Variants in KLHL41 observed in about 807,000 individuals in gnomAD.
KLHL41 encodes kelch-like protein 41.
Under a neutral mutation model 49.2 loss-of-function variants are expected in KLHL41, and 31 were observed. The ratio of observed to expected loss-of-function variants is 0.63; its 90% CI spans 0.47 to 0.85. KLHL41 has a LOEUF of 0.85. Among genes scored for constraint, KLHL41 ranks in the 40% least tolerant of loss-of-function variants. The probability of loss-of-function intolerance (pLI) is 0.00; values close to 1 mark genes in which losing one functional copy is unlikely to be tolerated. For synonymous variants in KLHL41, 218 were observed against 258.5 expected, an observed-to-expected ratio of 0.84 and a Z score of 1.50; for missense variants, 663 against 726.7, an observed-to-expected ratio of 0.91 and a Z score of 1.01.
Position 169,518,289 on chromosome 2 carries a change from C to G in KLHL41, c.1476C>G (p.Val492=), listed in dbSNP as rs138411167. 71 of 1,613,886 alleles carry G rather than the reference C, an allele frequency of 4.4e-5. No homozygotes were observed. In the African/African-American group the frequency reaches 8.4e-4, roughly 19 times the overall value. Residue 492 remains valine (V), a synonymous_variant, in exon 4 of 6, where the codon GTC becomes GTG. Transcript: ENST00000284669. ...CTCGTTCCATGTTTGGAGTAGCAGT[C>G]CATAAAGGCAAAATTGTGATTGCAG... is the stretch of plus-strand genomic sequence containing the variant. ...KIPRSMFGVA[V]HKGKIVIAGG... is the part of the protein sequence containing the mutation.
At chr2:169,519,980 A>C (rs1199426857) in intron 4 of KLHL41, among the ~76,000 whole-genome samples, 1 of 151,924 alleles carries the variant, frequency 6.6e-6, no homozygotes, top group Non-Finnish European at 1.5e-5. Flanking sequence ...ATTTACTTTT[A>C]GATGCCTGTG....
At chr2:169,522,748 A>T (rs1684221483) in intron 5 of KLHL41, among the ~76,000 whole-genome samples, 1 of 109,836 alleles carries the variant, frequency 9.1e-6, no homozygotes, top group Non-Finnish European at 1.7e-5. Flanking sequence ...GGTGAGACAG[A>T]GTCTCACTCT....
At chr2:169,516,197 T>A (rs1684112846) in intron 3 of KLHL41, among the ~76,000 whole-genome samples, 1 of 152,196 alleles carries the variant, frequency 6.6e-6, no homozygotes, top group East Asian at 1.9e-4. Context: ...AGCCAAAATT[T>A]AGAATTGTAA....
chr2:169,520,186 G>A (rs931993037), intron 4 of KLHL41, among the ~76,000 whole-genome samples: 5 of 146,874 alleles, frequency 3.4e-5, no homozygotes, highest in Admixed American at 6.8e-5. Context: ...GTGTGTGTGT[G>A]TGTGTGTGTG....
chr2:169,521,346 G>C (rs1684200590), intron 5 of KLHL41, among the ~76,000 whole-genome samples: 1 of 152,092 alleles, frequency 6.6e-6, no homozygotes, highest in Non-Finnish European at 1.5e-5. Context: ...CTCCAGAGTA[G>C]TTTATTTCCT....
chr2:169,513,016 G>A (rs1002032876), intron 1 of KLHL41, among the ~76,000 whole-genome samples: 1 of 152,150 alleles, frequency 6.6e-6, no homozygotes, highest in Admixed American at 6.5e-5. Flanking sequence ...ACTCAGAGAA[G>A]TTAAATAGCT....
chr2:169,520,314 G>GTGTGTGTGTGTGTGTGTGTA (rs1684183914), intron 4 of KLHL41, among the ~76,000 whole-genome samples: 10 of 103,514 alleles, frequency 9.7e-5, no homozygotes, highest in African/African-American at 2.9e-4. Context: ...GTGTGTGTAT[G>GTGTGTGTGTGTGTGTGTGTA]TGTGTGTGTG....
chr2:169,514,314 CT>C (rs894288348), intron 1 of KLHL41: 4 of 325,552 alleles, frequency 1.2e-5, no homozygotes, highest in Non-Finnish European at 1.7e-5. Flanking sequence ...TAATTAACCT[CT>C]GGTGATTCTA....
At chr2:169,522,705 A>ATT (rs60635668) in intron 5 of KLHL41, among the ~76,000 whole-genome samples, 546 of 50,126 alleles carry the variant, frequency 0.011, 53 homozygotes, top group African/African-American at 0.032. Context: ...CTTCCCAGTG[A>ATT]TTTTTTTTTT....
At chr2:169,522,754 ACT>A (rs1684221574) in intron 5 of KLHL41, among the ~76,000 whole-genome samples, 2 of 105,252 alleles carry the variant, frequency 1.9e-5, no homozygotes, top group African/African-American at 3.8e-5. Context: ...ACAGAGTCTC[ACT>A]CTGTCACCCA....
At chr2:169,521,317 T>A (rs1367524705) in intron 5 of KLHL41, among the ~76,000 whole-genome samples, 1 of 152,232 alleles carries the variant, frequency 6.6e-6, no homozygotes, top group East Asian at 1.9e-4. Context: ...AGGCATCCAG[T>A]AGAGTGAAAG....
chr2:169,518,565 T>A (rs1365142792), intron 4 of KLHL41, among the ~76,000 whole-genome samples, 190 bp downstream of exon 4: 1 of 152,260 alleles, frequency 6.6e-6, no homozygotes, highest in Non-Finnish European at 1.5e-5. Flanking sequence ...AACATTCTGA[T>A]GCATTATATG....
At chr2:169,518,473 G>A in intron 4 of KLHL41, 98 bp downstream of exon 4, 1 of 913,464 alleles carries the variant, frequency 1.1e-6, no homozygotes. Flanking sequence ...GATGTGGGGA[G>A]GGGAGGGTAC....
chr2:169,523,585 T>C (rs1441129625), intron 5 of KLHL41, among the ~76,000 whole-genome samples: 2 of 152,150 alleles, frequency 1.3e-5, no homozygotes, highest in African/African-American at 4.8e-5. Flanking sequence ...TGGGGAGCTT[T>C]AAAAAATCCT....
rs1250747596 is a variant in KLHL41 at position 169,520,163 on chromosome 2, TG to T, written c.1563-697del. ...CACCAGGCCTAGCTCTGTGTGTGTG[TG>T]TGTGTGTGTGTGTGTGTGTGTGTGT... is the stretch of plus-strand genomic sequence containing the variant. On this transcript the variant is annotated intron_variant, in intron 4 of 5. Coordinates refer to ENST00000284669, the MANE Select transcript of KLHL41 (RefSeq NM_006063.3). Among the ~76,000 whole-genome samples, 25 of 41,968 alleles carry T rather than the reference TG, an allele frequency of 6.0e-4. No individual in the cohort carries two copies. In the Admixed American group the frequency reaches 6.0e-3, roughly 10 times the overall value. The allele number at this position is 41,968 out of a possible 152,430, so 27.5% of individuals were successfully genotyped here.
chr2:169,519,631 A>G (rs1684167553), intron 4 of KLHL41, among the ~76,000 whole-genome samples: 1 of 147,094 alleles, frequency 6.8e-6, no homozygotes, highest in Admixed American at 6.9e-5. Flanking sequence ...ACCTTTCTGT[A>G]CTTTCCAGAT....
At position 169,514,630 on chromosome 2, in the gene KLHL41, T is replaced by G. The variant is rs757358433; in HGVS notation, c.1167T>G (p.Cys389Trp). 8.1e-6 allele frequency: 13 copies of G among 1,613,946 alleles called. No individual in the cohort carries two copies. Among genetic ancestry groups the G allele is most frequent in the Non-Finnish European group, 1.1e-5 (13 of 1,179,856 alleles). Residue 389 changes from cysteine to tryptophan, a missense_variant, in exon 2 of 6, where the codon TGT (cysteine) becomes TGG (tryptophan). Physicochemically the swap from Cys to Trp is radical, Grantham distance 215. Transcript: ENST00000284669. The part of the protein sequence containing the change: ...VGLPPLPSAR[C>W]LFGLGEVDDK... ...TTCCACCTCTGCCTTCAGCCAGGTG[T>G]CTCTTCGGTCTGGGAGAGGTGGATG...
chr2:169,509,942 G>T lies in KLHL41; in HGVS notation c.164G>T (p.Ser55Ile). ...CACAGATTGATTTTGTCAGCTTGTAGTCCTTACTTCCGTGAGTACTTTTTA... is the reference window on the plus strand; with the variant it reads ...CACAGATTGATTTTGTCAGCTTGTATTCCTTACTTCCGTGAGTACTTTTTA... ...PCHRLILSAC[S>I]PYFREYFLSE... The change falls in exon 1 of 6, where the codon AGT (serine) becomes ATT (isoleucine). Residue 55 changes from serine (S) to isoleucine (I), a missense_variant. Ser to Ile is a moderately radical substitution (Grantham distance 142). Around this residue, in one of 3 missense-constraint regions of KLHL41, gnomAD observed 129 missense variants for 122.1 expected, o/e 1.06. Transcript: ENST00000284669. The T allele has an allele frequency of 6.2e-7, 1 of 1,614,142 alleles. No individual in the cohort carries two copies. Among genetic ancestry groups the T allele is most frequent in the Middle Eastern group, 1.6e-4 (1 of 6,062 alleles).
intron 4 of KLHL41, 52 bp from the exon 5 acceptor site, chr2:169,520,809 C>A: frequency 7.4e-7 from 1 of 1,353,548 alleles, no homozygotes; most frequent in Non-Finnish European, 1.0e-6. Context: ...TCAGTAAGTA[C>A]ATCTGGCATT....
Sources: allele counts gnomAD v4.1 joint callset (sites outside exome capture counted in the v4.1 genomes callset), GRCh38; gene constraint gnomAD v4.1.1; regional missense constraint gnomAD v4.1.1; transcripts MANE v1.5; gene names NCBI Gene and HGNC (gene_info 2026-07-23, HGNC 2026-07-21).